Variants in VIPR2 observed in about 807,000 individuals in gnomAD.
VIPR2 encodes vasoactive intestinal peptide receptor 2.
Under a neutral mutation model 58.0 loss-of-function variants are expected in VIPR2, and 48 were observed. The observed-to-expected ratio is 0.83, with a 90% confidence interval of 0.66 to 1.05. The LOEUF (loss-of-function observed/expected upper bound fraction) is 1.05, where lower values mean the gene tolerates loss of function less well. VIPR2 is among the 50% of genes least tolerant of loss of function. The probability of loss-of-function intolerance (pLI) is 0.00; values close to 1 mark genes in which losing one functional copy is unlikely to be tolerated. For synonymous variants in VIPR2, 243 were observed against 235.2 expected, an observed-to-expected ratio of 1.03 and a Z score of -0.30; for missense variants, 534 against 558.0, an observed-to-expected ratio of 0.96 and a Z score of 0.43.
At chr7:159,060,940 C>T (rs1323724764) in intron 4 of VIPR2, among the ~76,000 whole-genome samples, 1 of 152,194 alleles carries the variant, frequency 6.6e-6, no homozygotes, top group Non-Finnish European at 1.5e-5. Flanking sequence ...AAAAGACATG[C>T]CCATCAACAG....
chr7:159,144,665 G>C (rs74699763), intron 1 of VIPR2, 56 bp downstream of exon 1: 14,372 of 1,367,584 alleles, frequency 0.011, 469 homozygotes, highest in East Asian at 0.095. Context: ...CGCTCTTCTC[G>C]GAAGGGGAGA....
chr7:159,097,965 G>A lies in VIPR2; in HGVS notation c.357+5792C>T, dbSNP rs1585485880. 6.6e-6 allele frequency among the ~76,000 whole-genome samples: 1 copy of A among 152,270 alleles called. No individual in the cohort carries two copies. The highest frequency in any genetic ancestry group is 1.5e-5 in the Non-Finnish European group (1 of 68,014). ...GCTGGGAACGTGCTGGAAAGGCAGG[G>A]TCTCAGCCCCCACACAGACCCACTG... is the stretch of plus-strand genomic sequence containing the variant. On this transcript the variant is annotated intron_variant, in intron 4 of 12. Transcript: ENST00000262178. The surrounding 1 kb of genome is among the most constrained non-coding windows in gnomAD (Gnocchi z 5.3).
At chr7:159,091,079 G>A (rs986553740) in intron 4 of VIPR2, among the ~76,000 whole-genome samples, 2 of 152,172 alleles carry the variant, frequency 1.3e-5, no homozygotes, top group African/African-American at 2.4e-5. Flanking sequence ...GCACAGACAC[G>A]CTGTGATCAC....
At chr7:159,088,854 T>A (rs1857327189) in intron 4 of VIPR2, among the ~76,000 whole-genome samples, 1 of 144,818 alleles carries the variant, frequency 6.9e-6, no homozygotes, top group Non-Finnish European at 1.5e-5. Context: ...GCCTCAGGCC[T>A]CAGCTCCTCA....
At chr7:159,043,207 T>C (rs780523011) in intron 5 of VIPR2, 31 bp from the exon 6 acceptor site, 5 of 1,285,874 alleles carry the variant, frequency 3.9e-6, no homozygotes, top group Non-Finnish European at 5.2e-6. Context: ...AGAGAGGAAT[T>C]GGAGGGGGAA....
At chr7:159,110,212 G>A (rs1795938636) in intron 2 of VIPR2, among the ~76,000 whole-genome samples, 1 of 152,196 alleles carries the variant, frequency 6.6e-6, no homozygotes, top group Admixed American at 6.5e-5. Context: ...TGATGAAATG[G>A]GCACCACTGG....
At chr7:159,041,377 C>A (rs1854320285) in intron 6 of VIPR2, among the ~76,000 whole-genome samples, 1 of 152,218 alleles carries the variant, frequency 6.6e-6, no homozygotes, top group Non-Finnish European at 1.5e-5. Context: ...TTCCATGTTG[C>A]AGGTCCTCCA....
At chr7:159,092,176 C>T (rs1467335142) in intron 4 of VIPR2, among the ~76,000 whole-genome samples, 1 of 152,216 alleles carries the variant, frequency 6.6e-6, no homozygotes, top group African/African-American at 2.4e-5. Flanking sequence ...TGCCCACCTC[C>T]GCCTGAGCTG....
chr7:159,058,721 T>C, intron 4 of VIPR2, 143 bp from the exon 5 acceptor site: 1 of 629,544 alleles, frequency 1.6e-6, no homozygotes, highest in Non-Finnish European at 2.7e-6. Flanking sequence ...CGCTTTATAA[T>C]TCCACCTCCA....
At position 159,097,016 on chromosome 7, in the gene VIPR2, G is replaced by C. The variant is rs576499141; in HGVS notation, c.357+6741C>G. 14 of 1,550,516 alleles carry C rather than the reference G, an allele frequency of 9.0e-6. No individual in the cohort carries two copies. In the South Asian group the frequency reaches 1.7e-4, roughly 18 times the overall value. On this transcript the variant is annotated intron_variant, in intron 4 of 12. Transcript: ENST00000262178. The surrounding 1 kb of genome is among the most constrained non-coding windows in gnomAD (Gnocchi z 5.3). ...TTCAGAAAAGCTGCTGCTCTCAGAG[G>C]TGATTTGGGGCAGGCCGCTCTGGGG...
In VIPR2 at chr7:159,144,511, C is replaced by T. The variant is rs548321448; in HGVS notation, c.51+210G>A. Reference sequence around the variant, plus strand: ...GAAGGGCGCAGGCAGCCTCCCAACCCGAGTCCCGCAACCCGGCGGGACCGG... The same window carrying T: ...GAAGGGCGCAGGCAGCCTCCCAACCTGAGTCCCGCAACCCGGCGGGACCGG... On this transcript the variant is annotated intron_variant, in intron 1 of 12. Coordinates refer to ENST00000262178, the MANE Select transcript of VIPR2 (RefSeq NM_003382.5). 1.7e-5 allele frequency: 26 copies of T among 1,526,588 alleles called. No homozygotes were observed. The African/African-American group carries it at 3.1e-4, about 18-fold the overall frequency. The allele number at this position is 1,526,588 out of a possible 1,614,324, so 94.6% of individuals were successfully genotyped here. A position where few individuals can be genotyped will look rare whatever the true frequency, so the allele number is the denominator to read the frequency against.
Position 159,101,040 on chromosome 7 carries a change from C to T in VIPR2, c.357+2717G>A, listed in dbSNP as rs573759465. ...TTCCCGTGGTAGTGAACTGGTCTCACGAGATCCGACAAGGCCGTTCCCCCG... is the reference window on the plus strand; with the variant it reads ...TTCCCGTGGTAGTGAACTGGTCTCATGAGATCCGACAAGGCCGTTCCCCCG... On this transcript the variant is annotated intron_variant, in intron 4 of 12. Transcript: ENST00000262178. 4.9e-4 allele frequency among the ~76,000 whole-genome samples: 67 copies of T among 136,696 alleles called. 2 individuals carry two copies. Among genetic ancestry groups the T allele is most frequent in the South Asian group, 2.7e-3 (11 of 4,028 alleles). 89.7% of individuals were successfully genotyped at this position (136,696 alleles called of 152,430 possible).
At chr7:159,079,760 C>T (rs1231480208) in intron 4 of VIPR2, among the ~76,000 whole-genome samples, 2 of 152,106 alleles carry the variant, frequency 1.3e-5, no homozygotes, top group African/African-American at 4.8e-5. Flanking sequence ...ATCAAATAGA[C>T]ACAATAAAAA....
chr7:159,092,650 C>CTTTTTTTTTTT, intron 4 of VIPR2, among the ~76,000 whole-genome samples: 1 of 133,710 alleles, frequency 7.5e-6, no homozygotes, highest in Non-Finnish European at 1.6e-5. Context: ...CTTTTCTTTT[C>CTTTTTTTTTTT]TTTTTTTTTT....
Position 159,088,817 on chromosome 7 carries a change from C to T in VIPR2, c.357+14940G>A, listed in dbSNP as rs141221273. On this transcript the variant is annotated intron_variant, in intron 4 of 12. Coordinates refer to ENST00000262178, the MANE Select transcript of VIPR2 (RefSeq NM_003382.5). Reference sequence around the variant, plus strand: ...AGAACAATCCCAGTGCCTCAGGCCTCGGTTCCTCATCTGGGGAATGGGAAT... The same window carrying T: ...AGAACAATCCCAGTGCCTCAGGCCTTGGTTCCTCATCTGGGGAATGGGAAT... 7.7e-3 allele frequency among the ~76,000 whole-genome samples: 1,164 copies of T among 151,246 alleles called. 24 individuals are homozygous for T. The highest frequency in any genetic ancestry group is 0.026 in the African/African-American group (1,074 of 40,644).
intron 2 of VIPR2, chr7:159,117,416 G>A: frequency 4.2e-6 from 3 of 717,472 alleles, no homozygotes; most frequent in Non-Finnish European, 7.8e-6. Context: ...CCTGTGAACA[G>A]ACAGGATAAC....
At chr7:159,062,219 C>T (rs1211392799) in intron 4 of VIPR2, among the ~76,000 whole-genome samples, 2 of 152,198 alleles carry the variant, frequency 1.3e-5, no homozygotes, top group East Asian at 3.9e-4. Context: ...GCCTGAGCCC[C>T]GGCAAGTCAC....
In VIPR2 at chr7:159,079,317, C is replaced by G. The variant is rs574333564; in HGVS notation, c.358-20739G>C. On this transcript the variant is annotated intron_variant, in intron 4 of 12. Transcript: ENST00000262178. Reference sequence around the variant, plus strand: ...AACTAGAACACAGGATTAAGAAACTCACTCAAAACCACTCAACTACATGGA... The same window carrying G: ...AACTAGAACACAGGATTAAGAAACTGACTCAAAACCACTCAACTACATGGA... Among the ~76,000 whole-genome samples the G allele has an allele frequency of 1.7e-4, 26 of 152,292 alleles. No homozygotes were observed. The South Asian group carries it at 5.2e-3, about 30-fold the overall frequency.
intron 4 of VIPR2, among the ~76,000 whole-genome samples, chr7:159,087,081 C>A (rs1383414036): frequency 6.6e-6 from 1 of 152,170 alleles, no homozygotes; most frequent in East Asian, 1.9e-4. Context: ...AATAACCACA[C>A]TCTGCCAGGA....
Sources: allele counts gnomAD v4.1 joint callset (sites outside exome capture counted in the v4.1 genomes callset), GRCh38; gene constraint gnomAD v4.1.1; non-coding constraint Gnocchi (gnomAD v3.1); transcripts MANE v1.5; gene names NCBI Gene and HGNC (gene_info 2026-07-23, HGNC 2026-07-21).